Variants in HDAC9 observed in about 807,000 individuals in gnomAD.
The protein encoded by HDAC9 is histone deacetylase 9.
Under a neutral mutation model 139.4 loss-of-function variants are expected in HDAC9, and 41 were observed. The ratio of observed to expected loss-of-function variants is 0.29; its 90% CI spans 0.23 to 0.38. HDAC9 has a LOEUF of 0.38. HDAC9 is among the 10% of genes least tolerant of loss of function. The pLI is 1.00. For missense variants in HDAC9, 1,147 were observed against 1,297.0 expected (o/e 0.88, Z 1.78); for synonymous variants, 517 against 476.2 (o/e 1.09, Z -1.12).
intron 11 of HDAC9, among the ~76,000 whole-genome samples, chr7:18,651,405 G>A (rs1789221972): frequency 6.6e-6 from 1 of 151,998 alleles, no homozygotes. Flanking sequence ...TCCTTTTTAT[G>A]ATTCTTTTTT....
At chr7:18,251,293 G>A (rs1794901893) in intron 2 of HDAC9, among the ~76,000 whole-genome samples, 1 of 152,152 alleles carries the variant, frequency 6.6e-6, no homozygotes, top group South Asian at 2.1e-4. Context: ...ACTTATAAGT[G>A]AGAGCTGAAT....
intron 2 of HDAC9, among the ~76,000 whole-genome samples, chr7:18,575,453 C>T (rs555515561): frequency 9.2e-5 from 14 of 152,288 alleles, no homozygotes; most frequent in South Asian, 8.3e-4. Flanking sequence ...AAATAATTCA[C>T]GGTGTGACCT....
intron 25 of HDAC9, among the ~76,000 whole-genome samples, chr7:18,977,748 A>G (rs1384487728): frequency 6.6e-6 from 1 of 152,110 alleles, no homozygotes; most frequent in East Asian, 1.9e-4. Flanking sequence ...GACAGATTAT[A>G]TCTATTGTGA....
At chr7:18,255,424 C>G (rs1438516392) in intron 2 of HDAC9, among the ~76,000 whole-genome samples, 1 of 152,006 alleles carries the variant, frequency 6.6e-6, no homozygotes, top group African/African-American at 2.4e-5. Flanking sequence ...AGCCATAAGT[C>G]AGACAGGGAG....
intron 1 of HDAC9, among the ~76,000 whole-genome samples, chr7:18,399,410 C>T (rs968207682): frequency 2.0e-5 from 3 of 152,112 alleles, no homozygotes; most frequent in South Asian, 2.1e-4. Context: ...ATAAAAGGTA[C>T]GAAAGGAAGA....
intron 11 of HDAC9, among the ~76,000 whole-genome samples, chr7:18,654,147 T>A (rs993123961): frequency 3.3e-5 from 5 of 152,220 alleles, no homozygotes; most frequent in Admixed American, 1.3e-4. Context: ...TACATTTTTT[T>A]AAAGTTATAC....
At chr7:18,517,396 G>A (rs1306197066) in intron 2 of HDAC9, among the ~76,000 whole-genome samples, 1 of 152,136 alleles carries the variant, frequency 6.6e-6, no homozygotes. Context: ...CTTACACCTG[G>A]TAAGAACTGA....
chr7:18,549,945 CT>C (rs925481214), intron 2 of HDAC9, among the ~76,000 whole-genome samples: 28 of 143,976 alleles, frequency 1.9e-4, no homozygotes, highest in East Asian at 4.0e-4. Flanking sequence ...CTCCCTAGTT[CT>C]TTTTTTTTTG....
intron 17 of HDAC9, among the ~76,000 whole-genome samples, chr7:18,812,481 C>A (rs1425946596): frequency 6.6e-6 from 1 of 151,954 alleles, no homozygotes. Flanking sequence ...TTATTTCACA[C>A]TCTAAAGATA....
chr7:18,606,135 G>A (rs1447916603), intron 6 of HDAC9, among the ~76,000 whole-genome samples: 1 of 152,158 alleles, frequency 6.6e-6, no homozygotes, highest in Admixed American at 6.5e-5. Flanking sequence ...GTGATTTTCT[G>A]TATTTTCCTA....
chr7:18,721,885 T>C (rs1160977894), intron 12 of HDAC9, among the ~76,000 whole-genome samples: 1 of 152,230 alleles, frequency 6.6e-6, no homozygotes, highest in Non-Finnish European at 1.5e-5. Flanking sequence ...CAGAACATTA[T>C]GCTTGTCATA....
chr7:18,283,576 A>G (rs927737301), intron 2 of HDAC9, among the ~76,000 whole-genome samples: 8 of 152,160 alleles, frequency 5.3e-5, no homozygotes, highest in Admixed American at 2.0e-4. Flanking sequence ...TTTTTGCATA[A>G]TAGGTTGTGA....
chr7:18,233,335 T>A (rs538379343), intron 2 of HDAC9, among the ~76,000 whole-genome samples: 3 of 152,180 alleles, frequency 2.0e-5, no homozygotes, highest in African/African-American at 7.2e-5. Flanking sequence ...AGAAGAGACA[T>A]GACAGAATAG....
At chr7:18,927,647 G>A (rs1192242509) in intron 22 of HDAC9, among the ~76,000 whole-genome samples, 1 of 152,194 alleles carries the variant, frequency 6.6e-6, no homozygotes, top group Non-Finnish European at 1.5e-5. Context: ...TATATTAAAT[G>A]TGTGGTGAAG....
intron 2 of HDAC9, among the ~76,000 whole-genome samples, chr7:18,249,508 A>C (rs1430172878): frequency 2.6e-5 from 3 of 116,104 alleles, no homozygotes; most frequent in Non-Finnish European, 6.1e-5. Flanking sequence ...GTCTCAAAAA[A>C]AAAAAAAAAA....
In HDAC9 at chr7:18,238,462, G is replaced by T. The variant is rs977781696; in HGVS notation, c.25+76113G>T. 5.9e-5 allele frequency among the ~76,000 whole-genome samples: 9 copies of T among 152,154 alleles called. No individual in the cohort carries two copies. In the East Asian group the frequency reaches 9.6e-4, roughly 16 times the overall value. On this transcript the variant is annotated intron_variant, in intron 2 of 12. Coordinates refer to the HDAC9 transcript ENST00000417496. Reference sequence around the variant, plus strand: ...CACATTAACACTAGCGTAGTGGGAGGTTCCTCCAGTATTTCCCCAGCGCAG... The same window carrying T: ...CACATTAACACTAGCGTAGTGGGAGTTTCCTCCAGTATTTCCCCAGCGCAG...
chr7:18,248,746 A>G (rs1794724624), intron 2 of HDAC9, among the ~76,000 whole-genome samples: 1 of 152,238 alleles, frequency 6.6e-6, no homozygotes, highest in South Asian at 2.1e-4. Flanking sequence ...GTTTCCTCCA[A>G]GAACTATTTG....
chr7:18,826,314 GA>G (rs1383132342), intron 17 of HDAC9, among the ~76,000 whole-genome samples: 3 of 152,194 alleles, frequency 2.0e-5, no homozygotes, highest in African/African-American at 7.2e-5. Flanking sequence ...TGTGAGGTAT[GA>G]GAGAGGAAAC....
chr7:18,293,891 TAA>T (rs1797978023), intron 1 of HDAC9, among the ~76,000 whole-genome samples: 1 of 152,176 alleles, frequency 6.6e-6, no homozygotes, highest in African/African-American at 2.4e-5. Flanking sequence ...AAACATTTAA[TAA>T]GTTTTAAAAA....
Sources: allele counts gnomAD v4.1 joint callset (sites outside exome capture counted in the v4.1 genomes callset), GRCh38; gene constraint gnomAD v4.1.1; transcripts MANE v1.5; gene names NCBI Gene and HGNC (gene_info 2026-07-23, HGNC 2026-07-21).